ARHGAP10: variants seen among roughly 807,000 people sequenced by gnomAD.
The protein encoded by ARHGAP10 is rho GTPase-activating protein 10.
A neutral mutation model predicts 108.6 loss-of-function variants in ARHGAP10; 87 were observed. That is an observed-to-expected ratio of 0.80 (90% CI 0.67 to 0.96). ARHGAP10 has a LOEUF of 0.96. ARHGAP10 is among the 40% of genes least tolerant of loss of function. The pLI is 0.00. For synonymous variants in ARHGAP10, 347 were observed against 341.1 expected (o/e 1.02, Z -0.19); for missense variants, 939 against 954.5 (o/e 0.98, Z 0.21).
intron 18 of ARHGAP10, among the ~76,000 whole-genome samples, chr4:147,967,273 A>G (rs1218476062): frequency 2.0e-5 from 3 of 152,258 alleles, no homozygotes; most frequent in Non-Finnish European, 2.9e-5. Context: ...CCAGAGGACC[A>G]TGAGCATCAT....
rs149862273 is a variant in ARHGAP10, at chr4:147,967,581, A to G, written c.1716+742A>G. On this transcript the variant is annotated intron_variant, in intron 18 of 22. Coordinates refer to ENST00000336498, the MANE Select transcript of ARHGAP10 (RefSeq NM_024605.4). ...ACCATACCCACTCAGCATATTAACTACTAGAAATAAGTACTGTTTATGATT... is the reference window on the plus strand; with the variant it reads ...ACCATACCCACTCAGCATATTAACTGCTAGAAATAAGTACTGTTTATGATT... Among the ~76,000 whole-genome samples the G allele has an allele frequency of 5.0e-4, 76 of 152,316 alleles. 1 individual carries two copies. The highest frequency in any genetic ancestry group is 3.4e-3 in the Middle Eastern group (1 of 294).
At chr4:147,746,558 T>C (rs984079140) in intron 1 of ARHGAP10, among the ~76,000 whole-genome samples, 3 of 151,648 alleles carry the variant, frequency 2.0e-5, no homozygotes, top group Admixed American at 2.0e-4. Context: ...CCCCGTTAAT[T>C]TTTGTATTTT....
At chr4:147,917,853 T>G (rs1183476133) in intron 13 of ARHGAP10, among the ~76,000 whole-genome samples, 3 of 152,158 alleles carry the variant, frequency 2.0e-5, no homozygotes, top group Non-Finnish European at 4.4e-5. Context: ...TAAAGTCGCA[T>G]TTATTAAACC....
At chr4:147,757,087 C>T (rs949637723) in intron 1 of ARHGAP10, among the ~76,000 whole-genome samples, 2 of 149,388 alleles carry the variant, frequency 1.3e-5, no homozygotes, top group Non-Finnish European at 1.5e-5. Flanking sequence ...TTTAAATTTA[C>T]GGAAAAATAT....
At chr4:147,882,059 C>A in intron 10 of ARHGAP10, 127 bp downstream of exon 10, 1 of 846,572 alleles carries the variant, frequency 1.2e-6, no homozygotes, top group Non-Finnish European at 1.9e-6. Context: ...TATTTCCAGG[C>A]TGTGTGTTCA....
chr4:147,953,120 C>A (rs1039942155), intron 15 of ARHGAP10, among the ~76,000 whole-genome samples: 1 of 151,552 alleles, frequency 6.6e-6, no homozygotes. Context: ...GTGATAAACC[C>A]AACTTATGAT....
At chr4:147,832,461 A>G (rs985819059) in intron 3 of ARHGAP10, among the ~76,000 whole-genome samples, 3 of 151,738 alleles carry the variant, frequency 2.0e-5, no homozygotes, top group Admixed American at 6.6e-5. Context: ...ATCCTGACCA[A>G]TGTGGTGAAA....
intron 1 of ARHGAP10, among the ~76,000 whole-genome samples, chr4:147,795,318 CT>C (rs1280781330): frequency 6.6e-6 from 1 of 152,174 alleles, no homozygotes; most frequent in African/African-American, 2.4e-5. Flanking sequence ...AGTGTGTTTA[CT>C]TTTTTACCTT....
At chr4:147,911,524 G>A (rs531507787) in intron 12 of ARHGAP10, among the ~76,000 whole-genome samples, 54 of 152,166 alleles carry the variant, frequency 3.5e-4, no homozygotes, top group African/African-American at 1.1e-3. Context: ...CATCACGCCC[G>A]GCTAATTTAT....
chr4:147,907,297 T>C (rs1017729539), intron 11 of ARHGAP10, among the ~76,000 whole-genome samples: 2 of 152,220 alleles, frequency 1.3e-5, no homozygotes, highest in Non-Finnish European at 2.9e-5. Flanking sequence ...AACACTACTT[T>C]CATTTTGATG....
At chr4:147,899,737 T>C (rs548785910) in intron 10 of ARHGAP10, among the ~76,000 whole-genome samples, 3 of 152,262 alleles carry the variant, frequency 2.0e-5, no homozygotes, top group South Asian at 2.1e-4. Context: ...AATGCATGAT[T>C]CATAGATTTA....
chr4:148,006,397 C>T (rs565710700), intron 18 of ARHGAP10, among the ~76,000 whole-genome samples: 27 of 152,352 alleles, frequency 1.8e-4, no homozygotes, highest in Non-Finnish European at 2.9e-4. Flanking sequence ...AAATATATGA[C>T]CCTTGTCAGC....
In ARHGAP10 at chr4:148,049,471, G is replaced by A. The variant is rs537645329; in HGVS notation, c.2027+2420G>A. Among the ~76,000 whole-genome samples, 3 of 152,252 alleles carry A rather than the reference G, an allele frequency of 2.0e-5. No homozygotes were observed. The South Asian group carries it at 6.2e-4, about 32-fold the overall frequency. ...TGCGTTGCTGTCCTCCCAGTAGCCG[G>A]TGTGTGCTTCCCACATGGTCTGGTT... is the stretch of plus-strand genomic sequence containing the variant. On this transcript the variant is annotated intron_variant, in intron 20 of 22. Transcript: ENST00000336498.
chr4:147,798,729 CTCTCTCTCTCTCTCTCTCTCT>C (rs1731422017), intron 1 of ARHGAP10, among the ~76,000 whole-genome samples: 1 of 11,266 alleles, frequency 8.9e-5, no homozygotes, highest in Non-Finnish European at 2.2e-4. Context: ...GAGACACTCT[CTCTCTCTCTCTCTCTCTCTCT>C]CTCTCTCTCT....
intron 1 of ARHGAP10, among the ~76,000 whole-genome samples, chr4:147,758,961 A>G (rs1192598833): frequency 6.7e-6 from 1 of 149,334 alleles, no homozygotes; most frequent in African/African-American, 2.5e-5. Context: ...TCTGGGTAAC[A>G]GACTCTGTCT....
At chr4:148,000,003 C>T (rs557350701) in intron 18 of ARHGAP10, among the ~76,000 whole-genome samples, 6 of 151,392 alleles carry the variant, frequency 4.0e-5, no homozygotes, top group Non-Finnish European at 5.9e-5. Context: ...TGTATACATG[C>T]GCCACGTTGG....
At chr4:148,051,916 G>C (rs1729155467) in intron 20 of ARHGAP10, among the ~76,000 whole-genome samples, 1 of 152,094 alleles carries the variant, frequency 6.6e-6, no homozygotes, top group Non-Finnish European at 1.5e-5. Flanking sequence ...TTTAAATTGG[G>C]CAAATGAATG....
rs142907822 is a variant in ARHGAP10, at chr4:147,987,570, G to T, written c.1716+20731G>T. Among the ~76,000 whole-genome samples, 347 of 152,356 alleles carry T rather than the reference G, an allele frequency of 2.3e-3. 1 individual carries two copies. The highest frequency in any genetic ancestry group is 7.9e-3 in the African/African-American group (328 of 41,590). ...GCTGTGTTAGTGAGGCTTGGTGCCT[G>T]TCTTCTCTGGGTCTGCTGCTGACAC... On this transcript the variant is annotated intron_variant, in intron 18 of 22. Transcript: ENST00000336498.
At chr4:147,916,892 A>G (rs1359675625) in intron 13 of ARHGAP10, 2 of 152,132 alleles carry the variant, frequency 1.3e-5, no homozygotes, top group South Asian at 2.1e-4. Context: ...ATTGTTAGCA[A>G]ACTCCCAGAT....
Sources: gnomAD v4.1 joint callset for allele counts (sites outside exome capture counted in the v4.1 genomes callset) on GRCh38, gnomAD v4.1.1 for gene constraint, MANE v1.5 for transcripts, NCBI Gene and HGNC (gene_info 2026-07-23, HGNC 2026-07-21) for gene names.